The following SV2B variants were observed in gnomAD, a reference collection of about 807,000 sequenced individuals.
The protein encoded by SV2B is synaptic vesicle glycoprotein 2B.
Under a neutral mutation model 73.9 loss-of-function variants are expected in SV2B, and 41 were observed. The observed-to-expected ratio is 0.56, with a 90% confidence interval of 0.43 to 0.72. The LOEUF is 0.72. Among genes scored for constraint, SV2B ranks in the 30% least tolerant of loss-of-function variants. The pLI is 0.00. For synonymous variants in SV2B, 314 were observed against 314.2 expected (o/e 1.00, Z 0.01); for missense variants, 764 against 857.8 (o/e 0.89, Z 1.37).
intron 1 of SV2B, among the ~76,000 whole-genome samples, chr15:91,213,961 T>G (rs1474088495): frequency 6.6e-6 from 1 of 152,210 alleles, no homozygotes; most frequent in East Asian, 1.9e-4. Context: ...ACCCTGAAAA[T>G]GGAATCACCA....
In SV2B at chr15:91,224,977, A is replaced by AG. The variant is rs1219980953; in HGVS notation, c.-391-892dup. 6.6e-6 allele frequency among the ~76,000 whole-genome samples: 1 copy of AG among 152,198 alleles called. No individual in the cohort carries two copies. Among genetic ancestry groups the AG allele is most frequent in the African/African-American group, 2.4e-5 (1 of 41,442 alleles). On this transcript the variant is annotated intron_variant, in intron 1 of 12. Coordinates refer to ENST00000394232, the MANE Select transcript of SV2B (RefSeq NM_001323032.3). This position sits in a 1 kb window ranked among gnomAD's most constrained non-coding sequence, Gnocchi z 4.9. ...CCTCCTGGTGTCCAGAATTGGAACT[A>AG]GGGGAAAAAAAAGAAGCAACACTCA...
chr15:91,241,462 T>C lies in SV2B; in HGVS notation c.452-10357T>C, dbSNP rs1567381357. Among the ~76,000 whole-genome samples the C allele has an allele frequency of 6.6e-6, 1 of 152,112 alleles. No individual in the cohort carries two copies. Among genetic ancestry groups the C allele is most frequent in the Non-Finnish European group, 1.5e-5 (1 of 68,024 alleles). ...AGAGGATCCTTTGTGCTGCCAGCCATCATCCTTCATTTCCCTCATCCCTTC... is the reference window on the plus strand; with the variant it reads ...AGAGGATCCTTTGTGCTGCCAGCCACCATCCTTCATTTCCCTCATCCCTTC... On this transcript the variant is annotated intron_variant, in intron 2 of 12. Transcript: ENST00000394232. The surrounding 1 kb of genome is among the most constrained non-coding windows in gnomAD (Gnocchi z 4.8).
rs1429383514 is a variant in SV2B at position 91,258,023 on chromosome 15, T to C, written c.785-398T>C. Among the ~76,000 whole-genome samples the C allele has an allele frequency of 1.3e-5, 2 of 152,194 alleles. No individual in the cohort carries two copies. Among genetic ancestry groups the C allele is most frequent in the Non-Finnish European group, 2.9e-5 (2 of 68,022 alleles). ...CTTGTTGCTTGTCAAGGCAGGCAAA[T>C]AGAATATGTTTCCTTTAACAATCTG... is the stretch of plus-strand genomic sequence containing the variant. On this transcript the variant is annotated intron_variant, in intron 4 of 12. Transcript: ENST00000394232. This position sits in a 1 kb window ranked among gnomAD's most constrained non-coding sequence, Gnocchi z 4.7.
rs80019560 is a variant in SV2B at position 91,210,473 on chromosome 15, G to C, written c.-391-15400G>C. 7.7e-3 allele frequency among the ~76,000 whole-genome samples: 1,176 copies of C among 152,264 alleles called. 13 individuals carry two copies. Among genetic ancestry groups the C allele is most frequent in the African/African-American group, 0.027 (1,123 of 41,546 alleles). On this transcript the variant is annotated intron_variant, in intron 1 of 12. Transcript: ENST00000394232. ...CAAAGGGCAGGGTAGTTTCAAGAAAGGCTAAAGTCAGAGCAGAGGCAAATT... is the reference window on the plus strand; with the variant it reads ...CAAAGGGCAGGGTAGTTTCAAGAAACGCTAAAGTCAGAGCAGAGGCAAATT...
At chr15:91,180,517 A>G (rs1175758273) in intron 1 of SV2B, among the ~76,000 whole-genome samples, 1 of 152,072 alleles carries the variant, frequency 6.6e-6, no homozygotes, top group Non-Finnish European at 1.5e-5. Context: ...TCTCCCCGTC[A>G]CTTTCAGGTA....
At chr15:91,175,490 G>A (rs1212640688) in intron 1 of SV2B, among the ~76,000 whole-genome samples, 3 of 152,000 alleles carry the variant, frequency 2.0e-5, no homozygotes, top group Admixed American at 6.6e-5. Context: ...TCCTGACCTC[G>A]TGATCCGCCA....
At chr15:91,146,397 T>C (rs1246641591) in intron 1 of SV2B, among the ~76,000 whole-genome samples, 1 of 152,232 alleles carries the variant, frequency 6.6e-6, no homozygotes, top group Non-Finnish European at 1.5e-5. Flanking sequence ...TGTGGCTTTG[T>C]TCTTTTTGCT....
chr15:91,170,978 G>A (rs1567311284), intron 1 of SV2B, among the ~76,000 whole-genome samples: 1 of 152,160 alleles, frequency 6.6e-6, no homozygotes, highest in African/African-American at 2.4e-5. Flanking sequence ...TGTGCCAGGT[G>A]CCATTGCACA....
chr15:91,235,810 A>G (rs1278467692), intron 2 of SV2B, among the ~76,000 whole-genome samples: 1 of 152,202 alleles, frequency 6.6e-6, no homozygotes, highest in Non-Finnish European at 1.5e-5. Flanking sequence ...TTTGATCAAG[A>G]TTTAATCAAA....
rs147050143 is a variant in SV2B, at chr15:91,277,537, T to A, written c.1374-4191T>A. ...TGGCAGCCAATGATCTTCTTTATGT[T>A]ACTTACATGGAATTATACAATAGGA... is the stretch of plus-strand genomic sequence containing the variant. On this transcript the variant is annotated intron_variant, in intron 9 of 12. Coordinates refer to ENST00000394232, the MANE Select transcript of SV2B (RefSeq NM_001323032.3). Among the ~76,000 whole-genome samples the A allele has an allele frequency of 2.7e-3, 406 of 152,336 alleles. 1 individual carries two copies. Among genetic ancestry groups the A allele is most frequent in the African/African-American group, 8.8e-3 (368 of 41,584 alleles).
chr15:91,185,508 A>G (rs2044736807), intron 1 of SV2B, among the ~76,000 whole-genome samples: 1 of 152,238 alleles, frequency 6.6e-6, no homozygotes, highest in Admixed American at 6.5e-5. Context: ...TCCAGAACTC[A>G]TAGCTATATT....
chr15:91,207,978 A>T (rs2045706441), intron 1 of SV2B, among the ~76,000 whole-genome samples: 1 of 152,196 alleles, frequency 6.6e-6, no homozygotes, highest in Non-Finnish European at 1.5e-5. Flanking sequence ...ATCAGGGAAG[A>T]AGGGGCAAGT....
chr15:91,251,231 A>G (rs1263953557), intron 2 of SV2B, among the ~76,000 whole-genome samples: 1 of 152,276 alleles, frequency 6.6e-6, no homozygotes, highest in Non-Finnish European at 1.5e-5. Flanking sequence ...AATTGCGTTG[A>G]GAAAACTGGA....
chr15:91,230,244 TAAA>T (rs199512896), intron 2 of SV2B, among the ~76,000 whole-genome samples: 3 of 129,802 alleles, frequency 2.3e-5, no homozygotes, highest in Non-Finnish European at 3.3e-5. Flanking sequence ...TTGTCTCATT[TAAA>T]AAAAAAAAAA....
chr15:91,155,611 T>A (rs1322699778), intron 1 of SV2B, among the ~76,000 whole-genome samples: 1 of 152,174 alleles, frequency 6.6e-6, no homozygotes, highest in Non-Finnish European at 1.5e-5. Flanking sequence ...CTGAGTGTTT[T>A]ACCAGAGATC....
chr15:91,202,032 A>G (rs966746757), intron 1 of SV2B, among the ~76,000 whole-genome samples: 1 of 152,096 alleles, frequency 6.6e-6, no homozygotes, highest in Non-Finnish European at 1.5e-5. Flanking sequence ...TACTCAACGT[A>G]GTCTTTCTTC....
intron 1 of SV2B, among the ~76,000 whole-genome samples, chr15:91,195,796 C>T (rs1379728142): frequency 1.3e-5 from 2 of 152,178 alleles, no homozygotes; most frequent in Non-Finnish European, 2.9e-5. Context: ...TGCAAAAGTA[C>T]AGCTAACATA....
chr15:91,133,077 G>A (rs961901624), intron 1 of SV2B, among the ~76,000 whole-genome samples: 2 of 152,172 alleles, frequency 1.3e-5, no homozygotes, highest in Admixed American at 6.5e-5. Flanking sequence ...CATTTTGCAG[G>A]CGGAGAAACT....
chr15:91,151,183 T>C (rs12915458), intron 1 of SV2B, among the ~76,000 whole-genome samples: 3,556 of 152,264 alleles, frequency 0.023, 76 homozygotes, highest in Non-Finnish European at 0.033. Context: ...TTCACAAAAC[T>C]GATCAGGGCC....
Sources: allele counts gnomAD v4.1 joint callset (sites outside exome capture counted in the v4.1 genomes callset), GRCh38; gene constraint gnomAD v4.1.1; non-coding constraint Gnocchi (gnomAD v3.1); transcripts MANE v1.5; gene names NCBI Gene and HGNC (gene_info 2026-07-23, HGNC 2026-07-21).